Variants in RUFY4 observed in about 807,000 individuals in gnomAD.
RUFY4 encodes the protein RUN and FYVE domain-containing protein 4.
In RUFY4, 73 loss-of-function variants were observed where a neutral mutation model predicts 69.0. That is an observed-to-expected ratio of 1.06 (90% confidence interval 0.88 to 1.29). The LOEUF is 1.29. Among genes scored for constraint, RUFY4 ranks in the 50% most tolerant of loss-of-function variants. The pLI is 0.00. For missense variants in RUFY4, 770 were observed against 705.6 expected (o/e 1.09, Z -1.03); for synonymous variants, 287 against 271.8 (o/e 1.06, Z -0.55).
At chr2:218,067,852 C>A (rs1309654774), upstream of RUFY4, among the ~76,000 whole-genome samples, 1 of 152,212 alleles carries the variant, frequency 6.6e-6, no homozygotes, top group Non-Finnish European at 1.5e-5. Flanking sequence ...CCAACAGGCA[C>A]CCCCTCATCC....
chr2:218,073,011 G>T, intron 4 of RUFY4, 126 bp downstream of exon 6: 1 of 989,450 alleles, frequency 1.0e-6, no homozygotes, highest in Non-Finnish European at 1.4e-6. Flanking sequence ...GAGTCATGAA[G>T]GAAAAATCAA....
intron 2 of RUFY4, among the ~76,000 whole-genome samples, chr2:218,038,713 A>G (rs1276120755): frequency 6.6e-6 from 1 of 152,120 alleles, no homozygotes; most frequent in Non-Finnish European, 1.5e-5. Context: ...TACACATAAC[A>G]TTTGCTAATG....
At chr2:218,084,312 A>G (rs1049960420) in intron 9 of RUFY4, among the ~76,000 whole-genome samples, 2 of 151,520 alleles carry the variant, frequency 1.3e-5, no homozygotes, top group Non-Finnish European at 2.9e-5. Context: ...GCTCACTGCA[A>G]CCTCTGCGTC....
rs774682363 is a variant in RUFY4 at position 218,070,867 on chromosome 2, C to A, written c.153+8C>A. ...CTGGAGCTGCTGCTGCAGGTGGGAC[C>A]TTCTCCTCCCCTTCCCCATCCCTCT... On this transcript the variant is annotated splice_region_variant and intron_variant, in intron 2 of 10. Coordinates refer to ENST00000344321, the Ensembl canonical transcript of RUFY4. The A allele has an allele frequency of 3.9e-6, 6 of 1,529,280 alleles. No individual in the cohort carries two copies. Among genetic ancestry groups the A allele is most frequent in the African/African-American group, 1.4e-5 (1 of 72,902 alleles). 94.7% of individuals were successfully genotyped at this position (1,529,280 alleles called of 1,614,324 possible).
At chr2:218,068,206 G>A (rs148003606), upstream of RUFY4, among the ~76,000 whole-genome samples, 569 of 78,402 alleles carry the variant, frequency 7.3e-3, 1 homozygote, top group Middle Eastern at 0.024. Context: ...AGGGCAGGGG[G>A]CTGGAGGATG....
At chr2:218,090,562 G>A (rs1223622416) in exon 11 of RUFY4, 1 of 159,554 alleles carries the variant, frequency 6.3e-6, no homozygotes, top group Non-Finnish European at 1.4e-5. Flanking sequence ...ACTGACATAT[G>A]ATAAACATCA....
At chr2:218,081,218 C>G (rs1689753477) in intron 8 of RUFY4, among the ~76,000 whole-genome samples, 1 of 152,176 alleles carries the variant, frequency 6.6e-6, no homozygotes, top group African/African-American at 2.4e-5. Context: ...CCCACCTCCC[C>G]ACTCTTCTCC....
intron 2 of RUFY4, among the ~76,000 whole-genome samples, chr2:218,071,626 G>T (rs982594805): frequency 9.2e-5 from 14 of 152,034 alleles, no homozygotes; most frequent in African/African-American, 3.4e-4. Context: ...GGCCCGAGGG[G>T]ACCCATCCCC....
chr2:218,058,965 G>C (rs762059642), intron 3 of RUFY4, among the ~76,000 whole-genome samples: 1 of 152,152 alleles, frequency 6.6e-6, no homozygotes, highest in Non-Finnish European at 1.5e-5. Context: ...CAGGAAGCTT[G>C]GGTTGGGGAT....
At chr2:218,089,384 C>A in intron 10 of RUFY4, 22 bp downstream of exon 12, 2 of 1,603,556 alleles carry the variant, frequency 1.2e-6, no homozygotes, top group South Asian at 1.1e-5. Context: ...GGCACAGAAT[C>A]CTCCCTCTGG....
intron 6 of RUFY4, among the ~76,000 whole-genome samples, chr2:218,074,480 C>A (rs567503841): frequency 6.6e-6 from 1 of 152,190 alleles, no homozygotes; most frequent in South Asian, 2.1e-4. Flanking sequence ...ACATTTTGCA[C>A]CCCCACCAGC....
At chr2:218,069,759 C>T (rs1198053751), upstream of RUFY4, among the ~76,000 whole-genome samples, 1 of 152,148 alleles carries the variant, frequency 6.6e-6, no homozygotes, top group Non-Finnish European at 1.5e-5. Context: ...CCAACAGCCA[C>T]AGCCCGGGAG....
rs1689612423 is a variant in RUFY4 at position 218,075,649 on chromosome 2, C to A, written c.1157C>A (p.Ser386Tyr). ...CAGGGACACGCAACAAAGGAAGACTCTACCGTGGAGAATCCACAAGTGCAA... is the reference window on the plus strand; with the variant it reads ...CAGGGACACGCAACAAAGGAAGACTATACCGTGGAGAATCCACAAGTGCAA... The change falls in exon 7 of 11, where the codon TCT becomes TAT. Residue 386 changes from serine to tyrosine, a missense_variant. Physicochemically the swap from Ser to Tyr is moderately radical, Grantham distance 144. Transcript: ENST00000344321. The A allele has an allele frequency of 2.0e-6, 3 of 1,512,390 alleles. No individual in the cohort carries two copies. In the African/African-American group the frequency reaches 4.2e-5, roughly 21 times the overall value. The allele number at this position is 1,512,390 out of a possible 1,614,324, so 93.7% of individuals were successfully genotyped here. A position where few individuals can be genotyped will look rare whatever the true frequency, so the allele number is the denominator to read the frequency against.
intron 2 of RUFY4, among the ~76,000 whole-genome samples, chr2:218,039,231 G>A (rs187301168): frequency 6.6e-6 from 1 of 152,170 alleles, no homozygotes; most frequent in African/African-American, 2.4e-5. Context: ...TCTGTGGCAT[G>A]ATAAATTTGA....
intron 3 of RUFY4, among the ~76,000 whole-genome samples, chr2:218,063,654 G>A (rs1297569338): frequency 6.6e-6 from 1 of 152,200 alleles, no homozygotes; most frequent in African/African-American, 2.4e-5. Context: ...AAGAACCTCA[G>A]AACCTCTGCA....
At chr2:218,036,107 C>T (rs1390215394) in intron 2 of RUFY4, among the ~76,000 whole-genome samples, 3 of 152,208 alleles carry the variant, frequency 2.0e-5, no homozygotes, top group Admixed American at 1.3e-4. Context: ...CTCTCTGTGC[C>T]CCAGGTTCCC....
Position 218,048,846 on chromosome 2 carries a change from G to A in RUFY4, c.-1157-9749G>A, listed in dbSNP as rs143102529. ...AAATTCTCCATTCTTAATATAAAACGCCTCTGGATTTTTAAAACATGCTTA... is the reference window on the plus strand; with the variant it reads ...AAATTCTCCATTCTTAATATAAAACACCTCTGGATTTTTAAAACATGCTTA... On this transcript the variant is annotated intron_variant and NMD_transcript_variant, in intron 2 of 13. Coordinates refer to the RUFY4 transcript ENST00000457754. Among the ~76,000 whole-genome samples, 654 of 152,132 alleles carry A rather than the reference G, an allele frequency of 4.3e-3. 4 individuals are homozygous for A. Among genetic ancestry groups the A allele is most frequent in the African/African-American group, 0.014 (561 of 41,496 alleles).
exon 6 of RUFY4, chr2:218,073,835 A>G: frequency 3.1e-6 from 5 of 1,613,950 alleles, no homozygotes; most frequent in Non-Finnish European, 4.2e-6. Context: ...CTCCAGTTCC[A>G]CCCAAACCCA....
rs756737630 is a variant in RUFY4, at chr2:218,075,312, C to T, written c.820C>T (p.Gln274Ter). 2.5e-6 allele frequency: 4 copies of T among 1,607,692 alleles called. No individual in the cohort carries two copies. The East Asian group carries it at 6.7e-5, about 27-fold the overall frequency. Reference sequence around the variant, plus strand: ...GTGGGAGCCAGAAGGGAAGGAGCTTCAGCTAGACCAGGAGGAAAGAGCCCC... The same window carrying T: ...GTGGGAGCCAGAAGGGAAGGAGCTTTAGCTAGACCAGGAGGAAAGAGCCCC... The change falls in exon 7 of 11, where the codon CAG becomes TAG. Residue 274 changes from glutamine (Q) to a stop codon, truncating the protein, a stop_gained. Transcript: ENST00000344321. LOFTEE classifies it high-confidence loss of function.
Sources: allele counts gnomAD v4.1 joint callset (sites outside exome capture counted in the v4.1 genomes callset), GRCh38; gene constraint gnomAD v4.1.1; transcripts MANE v1.5; gene names NCBI Gene and HGNC (gene_info 2026-07-23, HGNC 2026-07-21).